Variants in ATG7 observed in about 807,000 individuals in gnomAD.
ATG7 encodes the protein ubiquitin-like modifier-activating enzyme ATG7.
ATG7 carries 70 observed loss-of-function variants against 82.4 expected under a neutral mutation model. The ratio of observed to expected loss-of-function variants is 0.85; its 90% CI spans 0.70 to 1.04. The LOEUF is 1.04. ATG7 is among the 50% of genes least tolerant of loss of function. The pLI, the probability that ATG7 is intolerant of heterozygous loss-of-function variation, is 0.00. For missense variants in ATG7, 792 were observed against 864.3 expected, an observed-to-expected ratio of 0.92 and a Z score of 1.05; for synonymous variants, 287 against 313.0, an observed-to-expected ratio of 0.92 and a Z score of 0.88.
intron 3 of ATG7, among the ~76,000 whole-genome samples, chr3:11,283,403 C>T (rs913584503): frequency 2.0e-5 from 3 of 152,162 alleles, no homozygotes; most frequent in Non-Finnish European, 4.4e-5. Flanking sequence ...CTGTAGCAAG[C>T]ACCTCACAAA....
chr3:11,570,703 T>C, the ATG7 span, among the ~76,000 whole-genome samples: 2 of 152,050 alleles, frequency 1.3e-5, no homozygotes, highest in African/African-American at 2.4e-5. Context: ...AAAAGCAAAA[T>C]TTAAGGAACA....
chr3:11,406,475 T>TA lies in ATG7; in HGVS notation c.1957-20319dup, dbSNP rs561735434. ...CACCTGCTACTGTGCCCAGTTAACT[T>TA]AAAAAAAAAATTTGTAGAGATGACA... is the stretch of plus-strand genomic sequence containing the variant. On this transcript the variant is annotated intron_variant, in intron 19 of 20. Coordinates refer to ENST00000693202, the MANE Select transcript of ATG7 (RefSeq NM_001349232.2). Among the ~76,000 whole-genome samples, 408 of 150,502 alleles carry TA rather than the reference T, an allele frequency of 2.7e-3. 2 individuals carry two copies. The highest frequency in any genetic ancestry group is 0.016 in the South Asian group (76 of 4,774).
At chr3:11,285,133 A>G (rs1943758900) in intron 3 of ATG7, among the ~76,000 whole-genome samples, 3 of 126,172 alleles carry the variant, frequency 2.4e-5, no homozygotes, top group Non-Finnish European at 3.2e-5. Flanking sequence ...TACAGGTGTG[A>G]GCCACCTTTT....
At chr3:11,486,777 T>C (rs1252304667) in intron 20 of ATG7, among the ~76,000 whole-genome samples, 11 of 152,164 alleles carry the variant, frequency 7.2e-5, no homozygotes, top group Non-Finnish European at 1.2e-4. Flanking sequence ...AAGGCCTTTT[T>C]TGCATCTATT....
At chr3:11,373,101 A>T (rs2077148374) in intron 18 of ATG7, among the ~76,000 whole-genome samples, 1 of 150,906 alleles carries the variant, frequency 6.6e-6, no homozygotes, top group South Asian at 2.1e-4. Flanking sequence ...TTACCCTACT[A>T]TAAGGAGAAA....
At chr3:11,511,492 C>T (rs554839918) in intron 20 of ATG7, among the ~76,000 whole-genome samples, 3 of 152,336 alleles carry the variant, frequency 2.0e-5, no homozygotes, top group South Asian at 2.1e-4. Context: ...GATATAAAGA[C>T]TCTCCATGTC....
intron 20 of ATG7, among the ~76,000 whole-genome samples, chr3:11,456,278 C>G (rs1052670472): frequency 6.6e-6 from 1 of 152,172 alleles, no homozygotes; most frequent in African/African-American, 2.4e-5. Context: ...ACTTAACATG[C>G]TTTCATGGTT....
At chr3:11,272,739 G>A (rs1453624732) in intron 1 of ATG7, 1 of 152,202 alleles carries the variant, frequency 6.6e-6, no homozygotes, top group East Asian at 1.9e-4. Flanking sequence ...TTCAGTGTTG[G>A]AACACGGGAG....
chr3:11,386,705 A>G (rs768905881), intron 19 of ATG7, among the ~76,000 whole-genome samples: 1 of 152,160 alleles, frequency 6.6e-6, no homozygotes, highest in Non-Finnish European at 1.5e-5. Context: ...CTCTTTTCCT[A>G]TCTCATTTAC....
At chr3:11,393,078 T>A (rs1405450505) in intron 19 of ATG7, among the ~76,000 whole-genome samples, 2 of 152,196 alleles carry the variant, frequency 1.3e-5, no homozygotes, top group African/African-American at 4.8e-5. Flanking sequence ...TTGGCGCAGG[T>A]GATGGAATCC....
At position 11,313,296 on chromosome 3, in the gene ATG7, T is replaced by G; in HGVS notation, c.412-8T>G. On this transcript the variant is annotated splice_region_variant and splice_polypyrimidine_tract_variant and intron_variant, in intron 7 of 20. Transcript: ENST00000693202. ...ATTCTAATAACTTATTTATACTTTT[T>G]TTTCTAGGATCTAAAGAAGTACCAC... 1.3e-6 allele frequency: 2 copies of G among 1,559,582 alleles called. No individual in the cohort carries two copies. The highest frequency in any genetic ancestry group is 1.8e-6 in the Non-Finnish European group (2 of 1,138,158).
At chr3:11,312,052 G>T (rs1051404688) in intron 7 of ATG7, among the ~76,000 whole-genome samples, 10 of 151,508 alleles carry the variant, frequency 6.6e-5, no homozygotes, top group African/African-American at 2.2e-4. Context: ...ATATGTATGA[G>T]ATTTCTTTTT....
chr3:11,375,868 A>G (rs192308601), intron 18 of ATG7, among the ~76,000 whole-genome samples: 19 of 152,310 alleles, frequency 1.2e-4, no homozygotes, highest in Admixed American at 5.2e-4. Context: ...AGATTTTAAT[A>G]TGATGTGGTC....
intron 18 of ATG7, among the ~76,000 whole-genome samples, chr3:11,365,900 A>C (rs995719405): frequency 1.4e-4 from 21 of 152,200 alleles, no homozygotes; most frequent in African/African-American, 5.1e-4. Context: ...TTGGTACCCC[A>C]GCCCCCTTGC....
At chr3:11,274,356 C>T (rs1026162632) in intron 1 of ATG7, among the ~76,000 whole-genome samples, 14 of 151,832 alleles carry the variant, frequency 9.2e-5, no homozygotes, top group Non-Finnish European at 1.5e-4. Flanking sequence ...GAAGCTATTG[C>T]GGAGGTTTGG....
At chr3:11,428,521 A>G (rs542960084) in intron 20 of ATG7, among the ~76,000 whole-genome samples, 37 of 152,354 alleles carry the variant, frequency 2.4e-4, no homozygotes, top group African/African-American at 8.9e-4. Flanking sequence ...TCTTCCACTT[A>G]TGGCCAATAG....
intron 20 of ATG7, among the ~76,000 whole-genome samples, chr3:11,447,547 G>A (rs1262751285): frequency 1.3e-5 from 2 of 152,102 alleles, no homozygotes; most frequent in African/African-American, 4.8e-5. Flanking sequence ...CTAGATGGGG[G>A]CATTTAGTGT....
chr3:11,356,873 C>T (rs957963472), intron 14 of ATG7, among the ~76,000 whole-genome samples: 4 of 152,178 alleles, frequency 2.6e-5, no homozygotes, highest in African/African-American at 7.2e-5. Flanking sequence ...GTGCTAGTCT[C>T]ATTATTAAAA....
chr3:11,391,960 G>T (rs890924438), intron 19 of ATG7, among the ~76,000 whole-genome samples: 4 of 139,338 alleles, frequency 2.9e-5, no homozygotes, highest in African/African-American at 5.4e-5. Flanking sequence ...GTACTTATTG[G>T]GGGGGGGGTA....
Sources: allele counts gnomAD v4.1 joint callset (sites outside exome capture counted in the v4.1 genomes callset), GRCh38; gene constraint gnomAD v4.1.1; transcripts MANE v1.5; gene names NCBI Gene and HGNC (gene_info 2026-07-23, HGNC 2026-07-21).